Variants in COL4A3 observed in about 807,000 individuals in gnomAD.
COL4A3 encodes the protein collagen alpha-3(IV) chain.
COL4A3 carries 135 observed loss-of-function variants against 217.4 expected under a neutral mutation model. The ratio of observed to expected loss-of-function variants is 0.62; its 90% CI spans 0.54 to 0.72. The LOEUF (loss-of-function observed/expected upper bound fraction) is 0.72, where lower values mean the gene tolerates loss of function less well. Ranked by LOEUF, COL4A3 falls within the 30% of genes least tolerant of loss-of-function variation. COL4A3 has a pLI of 0.00. For missense variants in COL4A3, 1,868 were observed against 2,119.9 expected, an observed-to-expected ratio of 0.88 and a Z score of 2.33; for synonymous variants, 690 against 736.3, an observed-to-expected ratio of 0.94 and a Z score of 1.02.
At position 227,303,047 on chromosome 2, in the gene COL4A3, G is replaced by A; in HGVS notation, c.3892G>A (p.Gly1298Ser). 2 of 1,613,076 alleles carry A rather than the reference G, an allele frequency of 1.2e-6. No homozygotes were observed. The highest frequency in any genetic ancestry group is 1.7e-6 in the Non-Finnish European group (2 of 1,179,088). Residue 1298 changes from glycine (G) to serine (S), a missense_variant, in exon 44 of 52, where the codon GGT becomes AGT. Around this residue, in one of 2 missense-constraint regions of COL4A3, gnomAD observed 1,503 missense variants for 1,786.1 expected, o/e 0.84. Coordinates refer to ENST00000396578, the MANE Select transcript of COL4A3 (RefSeq NM_000091.5). ...MGPPGRLGAP[G>S]TPGLPGPRGD... ...TTTATTTGAAATATAGGGAGCACCA[G>A]GTACTCCAGGTCTTCCAGGACCCAG...
chr2:227,212,716 T>C (rs1486891002), intron 1 of COL4A3, among the ~76,000 whole-genome samples: 2 of 152,228 alleles, frequency 1.3e-5, no homozygotes, highest in Non-Finnish European at 1.5e-5. Flanking sequence ...GTCCCTCCCA[T>C]TGCACTTCCA....
chr2:227,309,817 G>A (rs549503708), intron 50 of COL4A3, among the ~76,000 whole-genome samples: 33 of 152,142 alleles, frequency 2.2e-4, no homozygotes, highest in African/African-American at 7.7e-4. Context: ...AGTAGAGACT[G>A]GGTTTCACCA....
intron 19 of COL4A3, among the ~76,000 whole-genome samples, chr2:227,260,735 G>A (rs536909118): frequency 2.0e-5 from 3 of 152,270 alleles, no homozygotes; most frequent in African/African-American, 7.2e-5. Flanking sequence ...ATCTAAGATG[G>A]AACACCAAGA....
At position 227,307,712 on chromosome 2, in the gene COL4A3, C is replaced by A. The variant is rs2073566607; in HGVS notation, c.4255C>A (p.Pro1419Thr). The A allele has an allele frequency of 6.2e-7, 1 of 1,613,872 alleles. No homozygotes were observed. Among genetic ancestry groups the A allele is most frequent in the Non-Finnish European group, 8.5e-7 (1 of 1,179,890 alleles). The change falls in exon 48 of 52, where the codon CCA (proline) becomes ACA (threonine). Residue 1419 changes from proline to threonine, a missense_variant and splice_region_variant. Physicochemically the swap from Pro to Thr is conservative, Grantham distance 38. This residue lies in a region of COL4A3 where 1,503 missense variants were observed against 1,786.1 expected (regional missense o/e 0.84). Transcript: ENST00000396578. ...CATTTAGAATGTGTTTTTTGAAGGA[C>A]CAGCTGGATCAGATGGATTGCCAGG... is the stretch of plus-strand genomic sequence containing the variant. ...GNKGSKGEPG[P>T]AGSDGLPGLK...
At chr2:227,169,978 C>A (rs2065418529) in intron 1 of COL4A3, among the ~76,000 whole-genome samples, 1 of 152,058 alleles carries the variant, frequency 6.6e-6, no homozygotes, top group Non-Finnish European at 1.5e-5. Context: ...TATTATTATT[C>A]TTTAAATTTA....
At chr2:227,190,048 G>A (rs2066172968) in intron 1 of COL4A3, among the ~76,000 whole-genome samples, 1 of 151,872 alleles carries the variant, frequency 6.6e-6, no homozygotes, top group East Asian at 1.9e-4. Context: ...CTTCTACCAA[G>A]AGAAAGGAAG....
intron 1 of COL4A3, among the ~76,000 whole-genome samples, chr2:227,165,609 T>C (rs915198993): frequency 2.6e-5 from 4 of 152,226 alleles, no homozygotes; most frequent in African/African-American, 9.7e-5. Flanking sequence ...CAGATACTTG[T>C]TATTTTTACA....
chr2:227,266,621 G>A, intron 22 of COL4A3, 112 bp downstream of exon 22: 2 of 822,998 alleles, frequency 2.4e-6, no homozygotes, highest in East Asian at 2.7e-5. Context: ...AGTCAGTGAT[G>A]ACTTATTTTC....
intron 1 of COL4A3, among the ~76,000 whole-genome samples, chr2:227,218,079 G>T (rs199993210): frequency 9.9e-4 from 42 of 42,576 alleles, no homozygotes; most frequent in Middle Eastern, 0.018. Flanking sequence ...TATATATATA[G>T]CTATATATAT....
chr2:227,293,101 A>G (rs74793013), intron 37 of COL4A3, 90 bp from the exon 38 acceptor site: 1 of 1,543,874 alleles, frequency 6.5e-7, no homozygotes, highest in African/African-American at 1.4e-5. Context: ...TGATGAATGA[A>G]TGAAAAAATT....
chr2:227,216,527 G>A (rs1289118298), intron 1 of COL4A3, among the ~76,000 whole-genome samples: 2 of 152,096 alleles, frequency 1.3e-5, no homozygotes, highest in Non-Finnish European at 2.9e-5. Context: ...AAATACAGAA[G>A]AGGTATCAGA....
chr2:227,308,820 A>C, intron 48 of COL4A3, 79 bp from the exon 49 acceptor site: 1 of 1,439,940 alleles, frequency 6.9e-7, no homozygotes, highest in South Asian at 1.1e-5. Flanking sequence ...GGTTACATTT[A>C]AATTAGCTTC....
intron 1 of COL4A3, among the ~76,000 whole-genome samples, chr2:227,186,174 G>A (rs1206161944): frequency 2.6e-5 from 4 of 152,158 alleles, no homozygotes; most frequent in Admixed American, 6.5e-5. Context: ...TATTTGATTT[G>A]GTTTGATTTT....
chr2:227,185,487 G>A (rs2066001833), intron 1 of COL4A3, among the ~76,000 whole-genome samples: 1 of 152,146 alleles, frequency 6.6e-6, no homozygotes, highest in Non-Finnish European at 1.5e-5. Flanking sequence ...CTTGAATATA[G>A]GTAAGCTAGT....
At chr2:227,210,566 G>C (rs1307069515) in intron 1 of COL4A3, among the ~76,000 whole-genome samples, 1 of 152,062 alleles carries the variant, frequency 6.6e-6, no homozygotes, top group Admixed American at 6.5e-5. Flanking sequence ...CACCAGCCTG[G>C]GTGACAGAGT....
At chr2:227,277,901 G>A (rs1391156588) in intron 28 of COL4A3, among the ~76,000 whole-genome samples, 1 of 142,304 alleles carries the variant, frequency 7.0e-6, no homozygotes, top group African/African-American at 2.6e-5. Context: ...TCAGGAGGCT[G>A]AGGCACAAGA....
At chr2:227,258,103 G>A (rs1318620782) in intron 18 of COL4A3, among the ~76,000 whole-genome samples, 1 of 152,218 alleles carries the variant, frequency 6.6e-6, no homozygotes. Flanking sequence ...TTTGATGTCA[G>A]CTCCTAACTG....
chr2:227,305,172 T>C, intron 47 of COL4A3, 89 bp downstream of exon 47: 1 of 1,098,854 alleles, frequency 9.1e-7, no homozygotes, highest in Admixed American at 2.0e-5. Flanking sequence ...ATGAGTTATC[T>C]AGGCCTTTGA....
chr2:227,168,940 G>T, intron 1 of COL4A3, among the ~76,000 whole-genome samples: 1 of 150,812 alleles, frequency 6.6e-6, no homozygotes, highest in Non-Finnish European at 1.5e-5. Context: ...TGCACAATGT[G>T]CAGGTTAGTT....
Sources: gnomAD v4.1 joint callset for allele counts (sites outside exome capture counted in the v4.1 genomes callset) on GRCh38, gnomAD v4.1.1 for gene constraint, gnomAD v4.1.1 regional missense constraint, MANE v1.5 for transcripts, NCBI Gene and HGNC (gene_info 2026-07-23, HGNC 2026-07-21) for gene names.